The following TRPM6 variants were observed in gnomAD, a reference collection of about 807,000 sequenced individuals.
The protein encoded by TRPM6 is transient receptor potential cation channel subfamily M member 6.
A neutral mutation model predicts 247.6 loss-of-function variants in TRPM6; 111 were observed. The observed-to-expected ratio is 0.45, with a 90% confidence interval of 0.38 to 0.52. TRPM6 has a LOEUF of 0.52. TRPM6 is among the 20% of genes least tolerant of loss of function. TRPM6 has a pLI of 0.00. For synonymous variants in TRPM6, 892 were observed against 853.8 expected (o/e 1.04, Z -0.78); for missense variants, 2,126 against 2,421.5 (o/e 0.88, Z 2.56).
At chr9:74,800,801 T>A (rs1357211018) in intron 16 of TRPM6, among the ~76,000 whole-genome samples, 1 of 151,484 alleles carries the variant, frequency 6.6e-6, no homozygotes, top group Non-Finnish European at 1.5e-5. Flanking sequence ...TCATAGGGAG[T>A]AGCCACTCCA....
intron 29 of TRPM6, among the ~76,000 whole-genome samples, chr9:74,751,797 G>T (rs1270492722): frequency 6.6e-6 from 1 of 152,150 alleles, no homozygotes; most frequent in Non-Finnish European, 1.5e-5. Context: ...TCGCACTAGT[G>T]AGGGACTCAC....
chr9:74,768,176 C>T (rs1195870707), intron 25 of TRPM6, among the ~76,000 whole-genome samples: 2 of 152,146 alleles, frequency 1.3e-5, no homozygotes, highest in East Asian at 1.9e-4. Flanking sequence ...TATGATACCG[C>T]CTTCTTCTAG....
chr9:74,728,689 A>G (rs1825418959), intron 37 of TRPM6, among the ~76,000 whole-genome samples: 1 of 152,232 alleles, frequency 6.6e-6, no homozygotes, highest in Non-Finnish European at 1.5e-5. Flanking sequence ...TTCATTACCA[A>G]ATGTTCTACT....
rs1828427513 is a variant in TRPM6, at chr9:74,803,730, G to A, written c.1731+64C>T. The A allele has an allele frequency of 5.3e-6, 6 of 1,137,000 alleles. No individual in the cohort carries two copies. The South Asian group carries it at 7.3e-5, about 14-fold the overall frequency. 70.4% of individuals were successfully genotyped at this position (1,137,000 alleles called of 1,614,324 possible). ...GCACCTCCCTTTCTTTGATGTAAAT[G>A]AAGAAACAGTCTCGAGCTGCAAAAA... On this transcript the variant is annotated intron_variant, in intron 15 of 38. Transcript: ENST00000360774.
In TRPM6 at chr9:74,796,734, C is replaced by A; in HGVS notation, c.2391+7G>T. 1 of 1,613,796 alleles carries A rather than the reference C, an allele frequency of 6.2e-7. No individual in the cohort carries two copies. The highest frequency in any genetic ancestry group is 8.5e-7 in the Non-Finnish European group (1 of 1,179,774). ...GAAAATTCAGTTCATTATGATTTTGCACTAACCACAGAAGCACTTTCTTTG... is the reference window on the plus strand; with the variant it reads ...GAAAATTCAGTTCATTATGATTTTGAACTAACCACAGAAGCACTTTCTTTG... On this transcript the variant is annotated splice_region_variant and intron_variant, in intron 18 of 38. Coordinates refer to ENST00000360774, the MANE Select transcript of TRPM6 (RefSeq NM_017662.5).
At chr9:74,867,584 A>T (rs1370153733) in intron 1 of TRPM6, among the ~76,000 whole-genome samples, 1 of 152,216 alleles carries the variant, frequency 6.6e-6, no homozygotes, top group Non-Finnish European at 1.5e-5. Flanking sequence ...TGCTCAATGA[A>T]AGGGACTTTT....
intron 25 of TRPM6, among the ~76,000 whole-genome samples, chr9:74,768,759 A>G (rs1826912459): frequency 6.6e-6 from 1 of 152,142 alleles, no homozygotes; most frequent in Non-Finnish European, 1.5e-5. Flanking sequence ...ATTCTCTCAA[A>G]TGGTCTTCGT....
intron 25 of TRPM6, among the ~76,000 whole-genome samples, chr9:74,768,784 C>T (rs1826913480): frequency 6.6e-6 from 1 of 152,150 alleles, no homozygotes; most frequent in South Asian, 2.1e-4. Flanking sequence ...CTTATTCTGA[C>T]CCCCTCAAAT....
intron 11 of TRPM6, among the ~76,000 whole-genome samples, chr9:74,813,469 A>G (rs1424382037): frequency 1.3e-5 from 2 of 152,250 alleles, no homozygotes; most frequent in African/African-American, 2.4e-5. Context: ...TTTGAGTCCC[A>G]TAACACTAGC....
At chr9:74,886,549 A>G (rs1362345311) in intron 1 of TRPM6, among the ~76,000 whole-genome samples, 1 of 149,726 alleles carries the variant, frequency 6.7e-6, no homozygotes, top group African/African-American at 2.5e-5. Context: ...TCCGTGTCTT[A>G]AAGCACTGAC....
In TRPM6 at chr9:74,762,698, T is replaced by C. The variant is rs1564002565; in HGVS notation, c.3973A>G (p.Ser1325Gly). ...NDQERQETQS[S>G]IVVSGVSPNR... ...GGAGACACCCCAGAAACCACTATAC[T>C]ACTTTGTGTTTCTTGCCTTTCCTGG... Residue 1325 changes from serine (S) to glycine (G), a missense_variant, in exon 26 of 39, where the codon AGT (serine) becomes GGT (glycine). This residue lies in a region of TRPM6 where 717 missense variants were observed against 715.9 expected (regional missense o/e 1.00). Transcript: ENST00000360774. The C allele has an allele frequency of 6.2e-7, 1 of 1,614,194 alleles. No homozygotes were observed. The highest frequency in any genetic ancestry group is 8.5e-7 in the Non-Finnish European group (1 of 1,180,022).
rs1220126827 is a variant in TRPM6, at chr9:74,808,133, A to G, written c.1539T>C (p.Ile513=). Residue 513 remains isoleucine, a synonymous_variant, in exon 14 of 39, where the codon ATT becomes ATC. Transcript: ENST00000360774. ...CAATGAGGTATTCTACTACTAATCC[A>G]ATGTCAATCAAGGTTATTCGGTAGC... ...LSGYRITLID[I]GLVVEYLIGR... The G allele has an allele frequency of 6.2e-7, 1 of 1,614,004 alleles. No individual in the cohort carries two copies. Among genetic ancestry groups the G allele is most frequent in the South Asian group, 1.1e-5 (1 of 91,082 alleles).
At chr9:74,887,519 G>A in intron 1 of TRPM6, 2 of 1,203,484 alleles carry the variant, frequency 1.7e-6, no homozygotes, top group Non-Finnish European at 2.4e-6. Flanking sequence ...ACCGCCCCGA[G>A]CTGAACCCCC....
chr9:74,835,087 C>T (rs1350535326), intron 5 of TRPM6, among the ~76,000 whole-genome samples: 3 of 152,156 alleles, frequency 2.0e-5, no homozygotes, highest in Non-Finnish European at 4.4e-5. Flanking sequence ...TCCACATCCT[C>T]TCCAGCACCT....
At chr9:74,812,238 T>G (rs1828756897) in intron 12 of TRPM6, 61 bp downstream of exon 12, 2 of 1,608,292 alleles carry the variant, frequency 1.2e-6, no homozygotes, top group Admixed American at 3.3e-5. Context: ...ATGGTCTGCT[T>G]GATGATCCTT....
intron 38 of TRPM6, among the ~76,000 whole-genome samples, chr9:74,725,163 G>A (rs1423287239): frequency 6.6e-6 from 1 of 152,080 alleles, no homozygotes; most frequent in Non-Finnish European, 1.5e-5. Flanking sequence ...TCCACCTCAG[G>A]TTTGGTACAG....
At chr9:74,753,532 A>G (rs1222850152) in intron 28 of TRPM6, among the ~76,000 whole-genome samples, 2 of 151,990 alleles carry the variant, frequency 1.3e-5, no homozygotes, top group East Asian at 3.9e-4. Context: ...CCCCATCTCT[A>G]CAAAAATAAA....
rs770927261 is a variant in TRPM6, at chr9:74,738,423, C to T, written c.5760G>A (p.Leu1920=). 1.9e-6 allele frequency: 3 copies of T among 1,613,976 alleles called. No individual in the cohort carries two copies. The South Asian group carries it at 3.3e-5, about 18-fold the overall frequency. Residue 1920 remains leucine (L), a synonymous_variant, in exon 36 of 39, where the codon CTG becomes CTA. Coordinates refer to ENST00000360774, the MANE Select transcript of TRPM6 (RefSeq NM_017662.5). The part of the protein sequence containing the change: ...WTYEYTRGEL[L]VLDLQGVGEN... ...ATCAATCACCTTGCAAATCTAAAAC[C>T]AGCAGCTCTCCCCGAGTGTACTCAT...
chr9:74,785,605 C>G (rs1306230995), intron 21 of TRPM6, among the ~76,000 whole-genome samples: 11 of 152,116 alleles, frequency 7.2e-5, no homozygotes, highest in Non-Finnish European at 1.5e-5. Context: ...TCACTGCAAG[C>G]TCCGCCTCCC....
Sources: allele counts gnomAD v4.1 joint callset (sites outside exome capture counted in the v4.1 genomes callset), GRCh38; gene constraint gnomAD v4.1.1; regional missense constraint gnomAD v4.1.1; transcripts MANE v1.5; gene names NCBI Gene and HGNC (gene_info 2026-07-23, HGNC 2026-07-21).